The following CCDC88C variants were observed in gnomAD, a reference collection of about 807,000 sequenced individuals.
CCDC88C encodes the protein protein Daple.
A neutral mutation model predicts 198.8 loss-of-function variants in CCDC88C; 131 were observed. The observed-to-expected ratio is 0.66, with a 90% confidence interval of 0.57 to 0.76. The LOEUF (loss-of-function observed/expected upper bound fraction) is 0.76, where lower values mean the gene tolerates loss of function less well. Among genes scored for constraint, CCDC88C ranks in the 30% least tolerant of loss-of-function variants. The pLI is 0.00. For synonymous variants in CCDC88C, 1,166 were observed against 1,114.7 expected, an observed-to-expected ratio of 1.05 and a Z score of -0.92; for missense variants, 2,553 against 2,631.6, an observed-to-expected ratio of 0.97 and a Z score of 0.65.
At chr14:91,387,728 C>T (rs1885230439) in intron 3 of CCDC88C, among the ~76,000 whole-genome samples, 1 of 152,170 alleles carries the variant, frequency 6.6e-6, no homozygotes, top group Admixed American at 6.5e-5. Context: ...TGGTTGATGC[C>T]TGACAGGGAA....
chr14:91,310,082 C>T (rs891099498), intron 15 of CCDC88C, 96 bp from the exon 16 acceptor site: 37 of 1,290,726 alleles, frequency 2.9e-5, no homozygotes, highest in Middle Eastern at 3.8e-4. Flanking sequence ...ACTGTCCTCC[C>T]GGGCCACGGC....
Position 91,273,724 on chromosome 14 carries a change from C to CG in CCDC88C, c.5059-72dup. 1 of 1,332,422 alleles carries CG rather than the reference C, an allele frequency of 7.5e-7. No individual in the cohort carries two copies. 82.5% of individuals were successfully genotyped at this position (1,332,422 alleles called of 1,614,324 possible). A position where few individuals can be genotyped will look rare whatever the true frequency, so the allele number is the denominator to read the frequency against. On this transcript the variant is annotated intron_variant, in intron 29 of 29. Coordinates refer to ENST00000389857, the MANE Select transcript of CCDC88C (RefSeq NM_001080414.4). This position sits in a 1 kb window ranked among gnomAD's most constrained non-coding sequence, Gnocchi z 5.6. ...TGGGTCCTTGGAGCCGCCTCCTGCG[C>CG]GGGACGCCCCCGAGCAGCCCACGTG...
chr14:91,326,029 T>C lies in CCDC88C; in HGVS notation c.1078A>G (p.Ile360Val), dbSNP rs1304700994. 1 of 1,608,708 alleles carries C rather than the reference T, an allele frequency of 6.2e-7. No individual in the cohort carries two copies. Among genetic ancestry groups the C allele is most frequent in the East Asian group, 2.2e-5 (1 of 44,760 alleles). The change falls in exon 11 of 30, where the codon ATT becomes GTT. Residue 360 changes from isoleucine to valine, a missense_variant. By Grantham distance (29) the Ile-to-Val change is conservative. Transcript: ENST00000389857. The stretch of plus-strand genomic sequence containing the variant: ...TCCTCCAGCATGGCCTTGGTTTCAA[T>C]TAAAATGATATTATCTTCTCTCAGC... ...EELREDNIIL[I>V]ETKAMLEEQL...
At chr14:91,354,190 C>T (rs1180072291) in intron 4 of CCDC88C, among the ~76,000 whole-genome samples, 3 of 152,212 alleles carry the variant, frequency 2.0e-5, no homozygotes, top group African/African-American at 7.2e-5. Flanking sequence ...TACTTGGATA[C>T]AAACCCTGGA....
In CCDC88C at chr14:91,309,874, T is replaced by C; in HGVS notation, c.2849A>G (p.Asp950Gly). Residue 950 changes from aspartate (D) to glycine (G), a missense_variant, in exon 16 of 30, where the codon GAC (aspartate) becomes GGC (glycine). Coordinates refer to ENST00000389857, the MANE Select transcript of CCDC88C (RefSeq NM_001080414.4). The part of the protein sequence containing the change: ...LNRELLLQED[D>G]SGSDTKYKIL... ...AGGCCCTCACGTGTCACTGCCGCTG[T>C]CGTCCTCCTGCAACAGCAGCTCCCT... 2.5e-6 allele frequency: 4 copies of C among 1,611,382 alleles called. No individual in the cohort carries two copies. Among genetic ancestry groups the C allele is most frequent in the Non-Finnish European group, 3.4e-6 (4 of 1,177,948 alleles).
Position 91,344,169 on chromosome 14 carries a change from G to A in CCDC88C, c.341-512C>T, listed in dbSNP as rs150321779. Among the ~76,000 whole-genome samples the A allele has an allele frequency of 4.8e-4, 73 of 152,204 alleles. 2 individuals carry two copies. In the East Asian group the frequency reaches 0.012, roughly 26 times the overall value. On this transcript the variant is annotated intron_variant, in intron 4 of 29. Transcript: ENST00000389857. The stretch of plus-strand genomic sequence containing the variant: ...AGAATTCTGTACATAACTATTTGAA[G>A]CCCCTTCCATTCAAATATGTCGTAA...
At chr14:91,345,190 A>ATATATATATATT (rs1246878587) in intron 4 of CCDC88C, among the ~76,000 whole-genome samples, 2 of 52,204 alleles carry the variant, frequency 3.8e-5, no homozygotes, top group African/African-American at 1.6e-4. Context: ...ATATATATAT[A>ATATATATATATT]TTTTTTTTTT....
intron 3 of CCDC88C, among the ~76,000 whole-genome samples, chr14:91,376,304 T>C (rs1019140245): frequency 6.6e-5 from 10 of 152,332 alleles, no homozygotes; most frequent in Middle Eastern, 3.4e-3. Flanking sequence ...TTGGTCGCCA[T>C]CTTCTGCGCT....
intron 3 of CCDC88C, among the ~76,000 whole-genome samples, chr14:91,387,079 CAG>C (rs780097922): frequency 4.7e-4 from 72 of 152,324 alleles, no homozygotes; most frequent in East Asian, 2.3e-3. Context: ...CATAAAGATG[CAG>C]AGTGACTCGC....
At position 91,338,719 on chromosome 14, in the gene CCDC88C, A is replaced by G. The variant is rs890974976; in HGVS notation, c.810-149T>C. 3.2e-6 allele frequency: 2 copies of G among 618,996 alleles called. No individual in the cohort carries two copies. Among genetic ancestry groups the G allele is most frequent in the Non-Finnish European group, 2.9e-6 (1 of 347,276 alleles). 38.3% of individuals were successfully genotyped at this position (618,996 alleles called of 1,614,324 possible). Reference sequence around the variant, plus strand: ...AGGCGATCTGCTTATGGGGCCTGCAAAAATGTTACTGACTCAAAATTCTTT... The same window carrying G: ...AGGCGATCTGCTTATGGGGCCTGCAGAAATGTTACTGACTCAAAATTCTTT... On this transcript the variant is annotated intron_variant, in intron 8 of 29. Coordinates refer to ENST00000389857, the MANE Select transcript of CCDC88C (RefSeq NM_001080414.4). The surrounding 1 kb of genome is among the most constrained non-coding windows in gnomAD (Gnocchi z 4.8).
chr14:91,408,378 G>A (rs528604604), intron 3 of CCDC88C: 16 of 338,596 alleles, frequency 4.7e-5, no homozygotes, highest in South Asian at 2.9e-4. Flanking sequence ...CTGCATTCTC[G>A]GGGCAGAGGC....
At chr14:91,320,977 T>C in intron 13 of CCDC88C, 143 bp downstream of exon 13, 6 of 743,706 alleles carry the variant, frequency 8.1e-6, no homozygotes. Context: ...CAGCGGTGAC[T>C]GCGCCTGGAT....
intron 3 of CCDC88C, among the ~76,000 whole-genome samples, chr14:91,394,794 G>A (rs1480103501): frequency 1.3e-5 from 2 of 152,196 alleles, no homozygotes; most frequent in Admixed American, 6.5e-5. Context: ...AACGTGCAGG[G>A]CTAGAGACAG....
rs770190720 is a variant in CCDC88C at position 91,309,884 on chromosome 14, G to A, written c.2839C>T (p.Gln947Ter). 1.2e-6 allele frequency: 2 copies of A among 1,611,748 alleles called. No individual in the cohort carries two copies. Among genetic ancestry groups the A allele is most frequent in the Non-Finnish European group, 1.7e-6 (2 of 1,178,340 alleles). ...GTGTCACTGCCGCTGTCGTCCTCCTGCAACAGCAGCTCCCTGTTGAGGCCG... is the reference window on the plus strand; with the variant it reads ...GTGTCACTGCCGCTGTCGTCCTCCTACAACAGCAGCTCCCTGTTGAGGCCG... ...KVGLNRELLLQEDDSGSDTKY... is the reference protein window; with the variant it reads ...KVGLNRELLL The change falls in exon 16 of 30, where the codon CAG becomes TAG. Residue 947 changes from glutamine (Q) to a stop codon, truncating the protein, a stop_gained. Transcript: ENST00000389857. LOFTEE classifies it high-confidence loss of function.
At chr14:91,290,204 G>A (rs145814113) in intron 24 of CCDC88C, among the ~76,000 whole-genome samples, 3 of 152,348 alleles carry the variant, frequency 2.0e-5, no homozygotes, top group Non-Finnish European at 2.9e-5. Flanking sequence ...CCTGGGAAGC[G>A]GAGGTTGCAG....
chr14:91,301,103 T>G (rs1891258867), intron 20 of CCDC88C, among the ~76,000 whole-genome samples: 1 of 152,216 alleles, frequency 6.6e-6, no homozygotes, highest in Non-Finnish European at 1.5e-5. Context: ...GGGCAGAAAC[T>G]TTATAACTCT....
At chr14:91,292,749 C>A (rs572634148) in intron 23 of CCDC88C, among the ~76,000 whole-genome samples, 5 of 152,278 alleles carry the variant, frequency 3.3e-5, no homozygotes, top group African/African-American at 4.8e-5. Context: ...ACAGCCCAAC[C>A]ACCATGGCTA....
chr14:91,368,252 G>C (rs1040592037), intron 3 of CCDC88C, among the ~76,000 whole-genome samples: 4 of 152,098 alleles, frequency 2.6e-5, no homozygotes, highest in African/African-American at 4.8e-5. Context: ...TAATTCCTGT[G>C]CCTTGAAACC....
rs766795733 is a variant in CCDC88C at position 91,313,521 on chromosome 14, G to A, written c.2295C>T (p.Ser765=). The change falls in exon 15 of 30, where the codon AGC becomes AGT. Residue 765 remains serine, a synonymous_variant. Transcript: ENST00000389857. The surrounding 1 kb of genome is among the most constrained non-coding windows in gnomAD (Gnocchi z 5.2). The part of the protein sequence containing the change: ...ERLELSYQSV[S]AENLRLQQSL... ...TCTGCTGCAGCCGGAGGTTCTCAGC[G>A]CTCACGCTCTGGTAGCTGAGCTCCA... is the stretch of plus-strand genomic sequence containing the variant. 126 of 1,609,120 alleles carry A rather than the reference G, an allele frequency of 7.8e-5. No individual in the cohort carries two copies. The highest frequency in any genetic ancestry group is 6.9e-4 in the South Asian group (63 of 91,080).
Sources: allele counts gnomAD v4.1 joint callset (sites outside exome capture counted in the v4.1 genomes callset), GRCh38; gene constraint gnomAD v4.1.1; non-coding constraint Gnocchi (gnomAD v3.1); transcripts MANE v1.5; gene names NCBI Gene and HGNC (gene_info 2026-07-23, HGNC 2026-07-21).